The following CCDC144A variants were observed in gnomAD, a reference collection of about 807,000 sequenced individuals.
The protein encoded by CCDC144A is coiled-coil domain containing 144A.
In CCDC144A, 41 loss-of-function variants were observed where a neutral mutation model predicts 143.8. The observed-to-expected ratio is 0.29, with a 90% CI of 0.22 to 0.37. The LOEUF (loss-of-function observed/expected upper bound fraction) is 0.37, where lower values mean the gene tolerates loss of function less well. Among genes scored for constraint, CCDC144A ranks in the 10% least tolerant of loss-of-function variants. CCDC144A has a pLI of 1.00. For missense variants in CCDC144A, 637 were observed against 1,488.8 expected, an observed-to-expected ratio of 0.43 and a Z score of 9.41; for synonymous variants, 242 against 517.9, an observed-to-expected ratio of 0.47 and a Z score of 7.23.
chr17:16,688,484 G>GTTTTT (rs66493875), upstream of CCDC144A, among the ~76,000 whole-genome samples: 265 of 71,606 alleles, frequency 3.7e-3, 14 homozygotes, highest in African/African-American at 0.012. Context: ...TTCTTTTTCT[G>GTTTTT]TTTTTTTTTT....
the CCDC144A span, among the ~76,000 whole-genome samples, chr17:16,677,018 T>C: frequency 0.052 from 7,922 of 152,148 alleles, 315 homozygotes; most frequent in Middle Eastern, 0.1. Flanking sequence ...GGAATATACA[T>C]TGAAAAATGT....
intron 12 of CCDC144A, among the ~76,000 whole-genome samples, chr17:16,755,847 C>T (rs1239407835): frequency 2.6e-5 from 4 of 152,236 alleles, no homozygotes; most frequent in Non-Finnish European, 4.4e-5. Flanking sequence ...AGGGATGAAC[C>T]ACTGCACCTG....
the CCDC144A span, among the ~76,000 whole-genome samples, chr17:16,673,406 G>A: frequency 7.1e-6 from 1 of 140,050 alleles, no homozygotes; most frequent in Non-Finnish European, 1.5e-5. Flanking sequence ...TTTTTTTTGA[G>A]ACGGAGTTTC....
At chr17:16,673,170 A>C in the CCDC144A span, among the ~76,000 whole-genome samples, 1 of 152,018 alleles carries the variant, frequency 6.6e-6, no homozygotes, top group East Asian at 1.9e-4. Flanking sequence ...TTCTCAGTAA[A>C]TGAGAACAGT....
chr17:16,699,235 AT>A (rs1347807264), intron 2 of CCDC144A, among the ~76,000 whole-genome samples: 1 of 149,390 alleles, frequency 6.7e-6, no homozygotes, highest in African/African-American at 2.5e-5. Flanking sequence ...GTAATCTGTG[AT>A]TTAACTAGAA....
intron 2 of CCDC144A, among the ~76,000 whole-genome samples, chr17:16,697,896 C>T (rs1472542920): frequency 6.6e-6 from 1 of 152,166 alleles, no homozygotes; most frequent in Non-Finnish European, 1.5e-5. Flanking sequence ...AGGTTTCTGG[C>T]TTGTGCCCTA....
intron 15 of CCDC144A, chr17:16,764,621 T>C (rs553074739): frequency 3.4e-5 from 7 of 203,696 alleles, no homozygotes; most frequent in African/African-American, 1.2e-4. Flanking sequence ...TAACCACCCA[T>C]GGATGTTTAT....
intron 2 of CCDC144A, among the ~76,000 whole-genome samples, chr17:16,703,177 C>A (rs1184405951): frequency 6.6e-6 from 1 of 152,064 alleles, no homozygotes; most frequent in Non-Finnish European, 1.5e-5. Flanking sequence ...TTATTATGTC[C>A]ATTCCCTTTT....
At chr17:16,746,607 G>T in intron 12 of CCDC144A, 1 of 1,613,420 alleles carries the variant, frequency 6.2e-7, no homozygotes, top group Non-Finnish European at 8.5e-7. Context: ...ATGTCATCAG[G>T]ATTCCTAAAA....
intron 9 of CCDC144A, among the ~76,000 whole-genome samples, chr17:16,730,745 G>GTTA (rs953781344): frequency 3.7e-5 from 5 of 136,766 alleles, no homozygotes; most frequent in African/African-American, 1.3e-4. Context: ...TGTTGTTGTT[G>GTTA]TTGTTGCAGC....
the CCDC144A span, among the ~76,000 whole-genome samples, chr17:16,672,313 C>G: frequency 1.3e-5 from 2 of 151,954 alleles, no homozygotes; most frequent in African/African-American, 4.8e-5. Context: ...GGCACAGTGG[C>G]TCACTCCTGT....
chr17:16,746,057 C>G, intron 12 of CCDC144A: 2 of 1,609,810 alleles, frequency 1.2e-6, no homozygotes, highest in Non-Finnish European at 1.7e-6. Context: ...TGTGTGACGT[C>G]TCCTGGGGCT....
At chr17:16,729,413 AT>A (rs1337116056) in intron 9 of CCDC144A, among the ~76,000 whole-genome samples, 1 of 152,064 alleles carries the variant, frequency 6.6e-6, no homozygotes, top group Non-Finnish European at 1.5e-5. Context: ...TGTTCATGTC[AT>A]TTGTGTACTT....
intron 12 of CCDC144A, among the ~76,000 whole-genome samples, chr17:16,758,020 A>G (rs893654025): frequency 1.3e-5 from 2 of 152,282 alleles, no homozygotes; most frequent in African/African-American, 2.4e-5. Context: ...GTTTTCCTCA[A>G]GGTGTGGTTA....
chr17:16,698,599 A>G (rs1237667730), intron 2 of CCDC144A, among the ~76,000 whole-genome samples: 1 of 152,114 alleles, frequency 6.6e-6, no homozygotes, highest in Non-Finnish European at 1.5e-5. Context: ...ATGTGAGGAA[A>G]AGTGTAGTCT....
chr17:16,690,217 AC>A (rs1910961554), upstream of CCDC144A: 1 of 457,116 alleles, frequency 2.2e-6, no homozygotes, highest in Non-Finnish European at 3.9e-6. Context: ...CTGGTCTGTA[AC>A]GGATTGGCTT....
the CCDC144A span, among the ~76,000 whole-genome samples, chr17:16,682,748 G>A: frequency 6.6e-6 from 1 of 151,868 alleles, no homozygotes; most frequent in African/African-American, 2.4e-5. Flanking sequence ...AAAGGCTGAG[G>A]AATTATGCTT....
the CCDC144A span, among the ~76,000 whole-genome samples, chr17:16,673,974 T>C: frequency 6.6e-6 from 1 of 152,138 alleles, no homozygotes; most frequent in African/African-American, 2.4e-5. Flanking sequence ...GAATACAAAA[T>C]ATTTATTTTT....
chr17:16,678,578 T>A, the CCDC144A span, among the ~76,000 whole-genome samples: 1 of 124,814 alleles, frequency 8.0e-6, no homozygotes, highest in Non-Finnish European at 1.6e-5. Context: ...TTTTTTCTTT[T>A]TCTTTTCTTT....
Sources: gnomAD v4.1 joint callset for allele counts (sites outside exome capture counted in the v4.1 genomes callset) on GRCh38, gnomAD v4.1.1 for gene constraint, MANE v1.5 for transcripts, NCBI Gene and HGNC (gene_info 2026-07-23, HGNC 2026-07-21) for gene names.